KLHL1: variants seen among roughly 807,000 people sequenced by gnomAD.
The protein encoded by KLHL1 is kelch like family member 1, also known as kelch-like protein 1.
KLHL1 carries 47 observed loss-of-function variants against 77.7 expected under a neutral mutation model. The observed-to-expected ratio is 0.60, with a 90% CI of 0.48 to 0.77. The LOEUF (loss-of-function observed/expected upper bound fraction) is 0.77. Among genes scored for constraint, KLHL1 ranks in the 30% least tolerant of loss-of-function variants. The probability of loss-of-function intolerance (pLI) is 0.00; values close to 1 mark genes in which losing one functional copy is unlikely to be tolerated. For synonymous variants in KLHL1, 360 were observed against 325.2 expected, an observed-to-expected ratio of 1.11 and a Z score of -1.15; for missense variants, 925 against 910.8, an observed-to-expected ratio of 1.02 and a Z score of -0.20.
chr13:70,028,666 T>C (rs1886015340), intron 1 of KLHL1, among the ~76,000 whole-genome samples: 1 of 152,036 alleles, frequency 6.6e-6, no homozygotes, highest in Non-Finnish European at 1.5e-5. Context: ...TCAGGGAGCA[T>C]TAGTGGGTAT....
At chr13:69,871,943 G>A (rs1001366210) in intron 5 of KLHL1, among the ~76,000 whole-genome samples, 2 of 151,642 alleles carry the variant, frequency 1.3e-5, no homozygotes, top group Admixed American at 6.6e-5. Context: ...TCCAATCTTT[G>A]CCCGTTACCC....
At chr13:69,733,050 C>T (rs557134195) in intron 8 of KLHL1, among the ~76,000 whole-genome samples, 1 of 152,164 alleles carries the variant, frequency 6.6e-6, no homozygotes, top group East Asian at 1.9e-4. Flanking sequence ...TTTTGGTTAA[C>T]TAGTAAGTTT....
intron 1 of KLHL1, among the ~76,000 whole-genome samples, chr13:70,011,741 G>A (rs961593010): frequency 6.6e-6 from 1 of 152,116 alleles, no homozygotes; most frequent in Non-Finnish European, 1.5e-5. Context: ...GAAAAGTCAG[G>A]CTTAGGAATC....
At chr13:69,819,363 C>G (rs1464333311) in intron 6 of KLHL1, among the ~76,000 whole-genome samples, 1 of 152,122 alleles carries the variant, frequency 6.6e-6, no homozygotes, top group Non-Finnish European at 1.5e-5. Context: ...GTAATACACT[C>G]TCCATAATAA....
chr13:70,036,129 C>T (rs531354398), intron 1 of KLHL1, among the ~76,000 whole-genome samples: 10 of 151,946 alleles, frequency 6.6e-5, no homozygotes, highest in Admixed American at 2.0e-4. Context: ...TTTTATTTTA[C>T]TTGAGAATAA....
At chr13:69,867,880 A>T (rs1433376328) in intron 5 of KLHL1, among the ~76,000 whole-genome samples, 1 of 150,258 alleles carries the variant, frequency 6.7e-6, no homozygotes, top group Non-Finnish European at 1.5e-5. Context: ...GAGGGATAGC[A>T]TTAGGAGATA....
At chr13:69,976,757 G>A (rs558854828) in intron 1 of KLHL1, among the ~76,000 whole-genome samples, 3 of 152,118 alleles carry the variant, frequency 2.0e-5, no homozygotes, top group African/African-American at 7.2e-5. Flanking sequence ...CCCTCTCCAC[G>A]AAAACCACAA....
Position 70,107,337 on chromosome 13 carries a change from G to A in KLHL1, c.363C>T (p.Tyr121=). Residue 121 remains tyrosine (Y), a synonymous_variant, in exon 1 of 11, where the codon TAC becomes TAT. Transcript: ENST00000377844. ...GTQQPARTLF[Y]VESLEEEVVP... ...CCACCTCCTCCTCTAGTGACTCCAC[G>A]TAGAAGAGAGTCCTGGCTGGCTGCT... 6.2e-7 allele frequency: 1 copy of A among 1,614,016 alleles called. No homozygotes were observed. The highest frequency in any genetic ancestry group is 1.1e-5 in the South Asian group (1 of 91,084).
At chr13:69,721,455 A>G (rs1422032196) in intron 8 of KLHL1, among the ~76,000 whole-genome samples, 1 of 151,782 alleles carries the variant, frequency 6.6e-6, no homozygotes, top group East Asian at 2.0e-4. Flanking sequence ...AACTTCTTAA[A>G]TTGACTGAGA....
At chr13:69,955,930 T>C (rs1883853319) in intron 3 of KLHL1, among the ~76,000 whole-genome samples, 1 of 109,554 alleles carries the variant, frequency 9.1e-6, no homozygotes, top group African/African-American at 3.0e-5. Context: ...TATTTATATA[T>C]ATTTGATATA....
chr13:69,751,198 T>A (rs913465540), intron 7 of KLHL1, among the ~76,000 whole-genome samples: 8 of 151,486 alleles, frequency 5.3e-5, no homozygotes, highest in African/African-American at 1.9e-4. Flanking sequence ...GTGTATGAAA[T>A]CAAGGCTGTC....
chr13:69,785,648 G>A (rs7991591), intron 7 of KLHL1, among the ~76,000 whole-genome samples: 46,659 of 137,332 alleles, frequency 0.34, 8,446 homozygotes, highest in African/African-American at 0.41. Flanking sequence ...GGCAAGAAAT[G>A]ACTAAAATCA....
intron 5 of KLHL1, among the ~76,000 whole-genome samples, chr13:69,861,454 A>G (rs980527452): frequency 3.3e-5 from 5 of 152,234 alleles, no homozygotes; most frequent in South Asian, 2.1e-4. Context: ...ATGTTTTACA[A>G]ACAAGTTCAT....
At chr13:69,922,659 A>G (rs1172884722) in intron 4 of KLHL1, among the ~76,000 whole-genome samples, 1 of 152,196 alleles carries the variant, frequency 6.6e-6, no homozygotes, top group Non-Finnish European at 1.5e-5. Flanking sequence ...AATAACAAGC[A>G]AAATTAAAAA....
Position 69,839,073 on chromosome 13 carries a change from C to A in KLHL1, c.1317G>T (p.Leu439Phe), listed in dbSNP as rs893343935. 6.2e-7 allele frequency: 1 copy of A among 1,610,338 alleles called. No homozygotes were observed. Residue 439 changes from leucine (L) to phenylalanine (F), a missense_variant, in exon 6 of 11, where the codon TTG becomes TTT. Transcript: ENST00000377844. ...LILEAMKYHLLPERRTLMQSP... is the reference protein window; with the variant it reads ...LILEAMKYHLFPERRTLMQSP... ...TTTGCATTAAAGTTCTTCTTTCTGG[C>A]AATAGATGGTATTTCATTGCTTCTA...
chr13:69,795,207 T>C (rs1435748812), intron 7 of KLHL1, among the ~76,000 whole-genome samples: 1 of 152,232 alleles, frequency 6.6e-6, no homozygotes, highest in African/African-American at 2.4e-5. Context: ...TACAAGGGCA[T>C]TGTCAGTCAT....
intron 7 of KLHL1, among the ~76,000 whole-genome samples, chr13:69,755,648 T>TA (rs376189037): frequency 5.3e-5 from 8 of 151,354 alleles, no homozygotes; most frequent in South Asian, 2.1e-4. Context: ...AAAGTAATTT[T>TA]AAAAAAAAAG....
intron 5 of KLHL1, among the ~76,000 whole-genome samples, chr13:69,869,254 T>C (rs1593903600): frequency 1.3e-5 from 2 of 152,262 alleles, no homozygotes; most frequent in Middle Eastern, 6.8e-3. Context: ...TTAAAATTTA[T>C]CATATGGAAA....
chr13:69,929,970 T>G (rs1022611629), intron 4 of KLHL1, among the ~76,000 whole-genome samples: 1 of 151,856 alleles, frequency 6.6e-6, no homozygotes, highest in Non-Finnish European at 1.5e-5. Context: ...GCTGGTGTTA[T>G]CCTGCTCGCT....
Sources: gnomAD v4.1 joint callset for allele counts (sites outside exome capture counted in the v4.1 genomes callset) on GRCh38, gnomAD v4.1.1 for gene constraint, MANE v1.5 for transcripts, NCBI Gene and HGNC (gene_info 2026-07-23, HGNC 2026-07-21) for gene names.